ARHGAP20: variants seen among roughly 807,000 people sequenced by gnomAD.
ARHGAP20 encodes rho GTPase-activating protein 20.
A neutral mutation model predicts 73.7 loss-of-function variants in ARHGAP20; 34 were observed. That is an observed-to-expected ratio of 0.46 (90% CI 0.35 to 0.61). ARHGAP20 has a LOEUF of 0.61. Ranked by LOEUF, ARHGAP20 falls within the 20% of genes least tolerant of loss-of-function variation. The pLI, the probability that ARHGAP20 is intolerant of heterozygous loss-of-function variation, is 0.00. For synonymous variants in ARHGAP20, 523 were observed against 518.2 expected, an observed-to-expected ratio of 1.01 and a Z score of -0.13; for missense variants, 1,314 against 1,420.9, an observed-to-expected ratio of 0.92 and a Z score of 1.21.
Position 110,611,357 on chromosome 11 carries a change from A to G in ARHGAP20, c.660T>C (p.Asp220=), listed in dbSNP as rs1281675258. 1.9e-6 allele frequency: 3 copies of G among 1,562,454 alleles called. No individual in the cohort carries two copies. Among genetic ancestry groups the G allele is most frequent in the Non-Finnish European group, 2.6e-6 (3 of 1,148,796 alleles). ...ACATGTTGATAACTTCATTCGCTGTATCTGAATTCATTACTGTTATAGTTT... is the reference window on the plus strand; with the variant it reads ...ACATGTTGATAACTTCATTCGCTGTGTCTGAATTCATTACTGTTATAGTTT... The part of the protein sequence containing the change: ...YSKTITVMNS[D]TANEVINMSL... Residue 220 remains aspartate (D), a synonymous_variant, in exon 7 of 15, where the codon GAT becomes GAC. Transcript: ENST00000683387.
intron 1 of ARHGAP20, among the ~76,000 whole-genome samples, chr11:110,706,685 T>G (rs1950557356): frequency 6.6e-6 from 1 of 152,078 alleles, no homozygotes; most frequent in African/African-American, 2.4e-5. Flanking sequence ...ACCAACCTTG[T>G]GAGAGGTGCA....
chr11:110,688,268 C>T (rs1950174882), intron 2 of ARHGAP20, among the ~76,000 whole-genome samples: 1 of 151,910 alleles, frequency 6.6e-6, no homozygotes, highest in South Asian at 2.1e-4. Flanking sequence ...AGGTTAGTAA[C>T]ACCCCCTCCT....
intron 2 of ARHGAP20, among the ~76,000 whole-genome samples, chr11:110,669,528 T>A (rs1949788213): frequency 6.6e-6 from 1 of 151,208 alleles, no homozygotes; most frequent in Admixed American, 6.6e-5. Flanking sequence ...TTTTTAAAGA[T>A]TATCTAGGGA....
intron 7 of ARHGAP20, 106 bp downstream of exon 7, chr11:110,611,203 T>C: frequency 1.6e-6 from 1 of 631,300 alleles, no homozygotes; most frequent in Non-Finnish European, 2.6e-6. Context: ...AATATGACTT[T>C]GGTATCTCTA....
intron 2 of ARHGAP20, among the ~76,000 whole-genome samples, chr11:110,634,274 CTTG>C (rs770902653): frequency 2.0e-4 from 30 of 152,106 alleles, no homozygotes; most frequent in South Asian, 4.2e-4. Context: ...AGGCAAAACT[CTTG>C]TTGTTTTTTT....
chr11:110,712,086 T>G (rs1010113744), intron 1 of ARHGAP20, 41 bp downstream of exon 1: 11 of 1,262,934 alleles, frequency 8.7e-6, no homozygotes, highest in Non-Finnish European at 1.0e-5. Flanking sequence ...CAGTGGGGGC[T>G]GCGGCGGCGG....
At chr11:110,657,945 AG>A (rs1949507034) in intron 2 of ARHGAP20, among the ~76,000 whole-genome samples, 1 of 144,714 alleles carries the variant, frequency 6.9e-6, no homozygotes, top group Non-Finnish European at 1.5e-5. Flanking sequence ...GAAGGAAGGA[AG>A]GAAGGAAGGA....
chr11:110,643,857 C>G (rs1165259519), intron 2 of ARHGAP20, among the ~76,000 whole-genome samples: 1 of 152,070 alleles, frequency 6.6e-6, no homozygotes, highest in Non-Finnish European at 1.5e-5. Flanking sequence ...GCCCTGAAGT[C>G]TCCCATTATT....
rs575428074 is a variant in ARHGAP20 at position 110,611,711 on chromosome 11, G to A, written c.631-325C>T. ...TTAAAAAAATAGATCAGTGAGGTTGGTCCTCTGTCTTATTTCCATAATTGT... is the reference window on the plus strand; with the variant it reads ...TTAAAAAAATAGATCAGTGAGGTTGATCCTCTGTCTTATTTCCATAATTGT... On this transcript the variant is annotated intron_variant, in intron 6 of 14. Coordinates refer to ENST00000683387, the MANE Select transcript of ARHGAP20 (RefSeq NM_001384657.1). Among the ~76,000 whole-genome samples, 40 of 152,080 alleles carry A rather than the reference G, an allele frequency of 2.6e-4. 1 individual carries two copies. The highest frequency in any genetic ancestry group is 4.9e-4 in the Non-Finnish European group (33 of 68,002).
At chr11:110,695,866 T>C (rs1296622680) in intron 1 of ARHGAP20, among the ~76,000 whole-genome samples, 1 of 151,580 alleles carries the variant, frequency 6.6e-6, no homozygotes. Flanking sequence ...GACTTGCATA[T>C]GACTGCTTAT....
chr11:110,685,532 TGTAC>T (rs1190224899), intron 2 of ARHGAP20, among the ~76,000 whole-genome samples: 2 of 152,282 alleles, frequency 1.3e-5, no homozygotes, highest in East Asian at 3.9e-4. Flanking sequence ...CCTCTCCTTA[TGTAC>T]TCTAAGCATT....
At chr11:110,656,030 T>C (rs1591145337) in intron 2 of ARHGAP20, among the ~76,000 whole-genome samples, 1 of 152,310 alleles carries the variant, frequency 6.6e-6, no homozygotes, top group East Asian at 1.9e-4. Context: ...GTCCCTCCAC[T>C]AGAACGTAAA....
At chr11:110,671,802 A>G (rs1271909720) in intron 2 of ARHGAP20, among the ~76,000 whole-genome samples, 4 of 152,158 alleles carry the variant, frequency 2.6e-5, no homozygotes, top group Non-Finnish European at 5.9e-5. Flanking sequence ...ATGTAGACTG[A>G]TGGAAAAGAA....
intron 2 of ARHGAP20, among the ~76,000 whole-genome samples, chr11:110,662,138 AATATAT>A (rs764234578): frequency 6.6e-6 from 1 of 151,442 alleles, no homozygotes; most frequent in African/African-American, 2.4e-5. Context: ...TTACGTAAGA[AATATAT>A]ATATATAAAA....
In ARHGAP20 at chr11:110,638,130, T is replaced by G. The variant is rs117046222; in HGVS notation, c.189-7338A>C. The stretch of plus-strand genomic sequence containing the variant: ...ACAAAATGCTCCAGAATCCTAAAAT[T>G]TTTGAGCACCACTATGACACCATAA... On this transcript the variant is annotated intron_variant, in intron 2 of 14. Coordinates refer to ENST00000683387, the MANE Select transcript of ARHGAP20 (RefSeq NM_001384657.1). Among the ~76,000 whole-genome samples, 52 of 152,104 alleles carry G rather than the reference T, an allele frequency of 3.4e-4. No homozygotes were observed. The East Asian group carries it at 0.01, about 30-fold the overall frequency.
intron 2 of ARHGAP20, among the ~76,000 whole-genome samples, chr11:110,677,145 A>G (rs1030932076): frequency 7.2e-5 from 11 of 152,208 alleles, no homozygotes; most frequent in Admixed American, 3.3e-4. Context: ...ACAAACTTCA[A>G]ATTAAATGCT....
In ARHGAP20 at chr11:110,578,261, T is replaced by C. The variant is rs1319152476; in HGVS notation, c.*1109A>G. On this transcript the variant is annotated 3_prime_UTR_variant, in exon 15 of 15. Transcript: ENST00000683387. ...GCAAAACCCAAAGCAAATGGCTGTC[T>C]GAGAAGGCCTGGCAGCCACTTTGTT... The C allele has an allele frequency of 1.0e-6, 1 of 985,382 alleles. No homozygotes were observed. Among genetic ancestry groups the C allele is most frequent in the African/African-American group, 1.7e-5 (1 of 57,264 alleles). The allele number at this position is 985,382 out of a possible 1,614,324, so 61.0% of individuals were successfully genotyped here. A position where few individuals can be genotyped will look rare whatever the true frequency, so the allele number is the denominator to read the frequency against.
intron 11 of ARHGAP20, among the ~76,000 whole-genome samples, chr11:110,590,232 C>T (rs980908782): frequency 1.3e-5 from 2 of 151,672 alleles, no homozygotes; most frequent in Admixed American, 1.3e-4. Context: ...TTATGGCAAA[C>T]TTCTTTAACT....
Position 110,712,349 on chromosome 11 carries a change from G to A in ARHGAP20, c.-118C>T. Reference sequence around the variant, plus strand: ...AGGCGCGGCTGCCGTGCTCAGGCAGGGAGCCGAGCTCCGGGTGCTCGCCGC... The same window carrying A: ...AGGCGCGGCTGCCGTGCTCAGGCAGAGAGCCGAGCTCCGGGTGCTCGCCGC... On this transcript the variant is annotated 5_prime_UTR_variant, in exon 1 of 15. Coordinates refer to ENST00000683387, the MANE Select transcript of ARHGAP20 (RefSeq NM_001384657.1). The A allele has an allele frequency of 1.2e-6, 1 of 807,428 alleles. No homozygotes were observed. The allele number at this position is 807,428 out of a possible 1,614,324, so 50.0% of individuals were successfully genotyped here. A position where few individuals can be genotyped will look rare whatever the true frequency, so the allele number is the denominator to read the frequency against.
Sources: gnomAD v4.1 joint callset for allele counts (sites outside exome capture counted in the v4.1 genomes callset) on GRCh38, gnomAD v4.1.1 for gene constraint, MANE v1.5 for transcripts, NCBI Gene and HGNC (gene_info 2026-07-23, HGNC 2026-07-21) for gene names.